Variants in SNAPC4 observed in about 807,000 individuals in gnomAD.
SNAPC4 encodes the protein snRNA-activating protein complex subunit 4.
A neutral mutation model predicts 151.3 loss-of-function variants in SNAPC4; 127 were observed. That is an observed-to-expected ratio of 0.84 (90% confidence interval 0.73 to 0.97). The LOEUF is 0.97. Ranked by LOEUF, SNAPC4 falls within the 50% of genes least tolerant of loss-of-function variation. SNAPC4 has a pLI of 0.00. For synonymous variants in SNAPC4, 1,002 were observed against 824.4 expected (o/e 1.22, Z -3.69); for missense variants, 2,186 against 1,935.0 (o/e 1.13, Z -2.43).
In SNAPC4 at chr9:136,382,029, C is replaced by A; in HGVS notation, c.2112G>T (p.Gly704=). 6.2e-7 allele frequency: 1 copy of A among 1,605,166 alleles called. No homozygotes were observed. The highest frequency in any genetic ancestry group is 8.5e-7 in the Non-Finnish European group (1 of 1,176,896). ...GGGCCACGCTGTCACCAGAGCTGAC[C>A]CCTGGGGATGAGGTGGGCAGGGGTG... is the stretch of plus-strand genomic sequence containing the variant. ...RQPPLPTSSP[G]VSSGDSVARS... The change falls in exon 18 of 24, where the codon GGG becomes GGT. Residue 704 remains glycine, a synonymous_variant. Transcript: ENST00000684778.
chr9:136,387,356 C>T (rs1167018405), intron 13 of SNAPC4, 129 bp downstream of exon 13: 20 of 733,914 alleles, frequency 2.7e-5, no homozygotes, highest in African/African-American at 2.2e-4. Context: ...ACCTGGTCAG[C>T]GACCCACACG....
chr9:136,382,740 C>T (rs1411559087), intron 16 of SNAPC4, among the ~76,000 whole-genome samples: 1 of 152,226 alleles, frequency 6.6e-6, no homozygotes, highest in Non-Finnish European at 1.5e-5. Flanking sequence ...ACTGCTCCCA[C>T]AGACATGGCC....
intron 18 of SNAPC4, 102 bp from the exon 19 acceptor site, chr9:136,381,494 T>A: frequency 9.1e-7 from 1 of 1,098,892 alleles, no homozygotes; most frequent in Admixed American, 1.9e-5. Flanking sequence ...TCGAGGCGGC[T>A]CTGGGAGCCA....
chr9:136,392,832 C>G lies in SNAPC4; in HGVS notation c.633-55G>C, dbSNP rs1296316144. 3.5e-6 allele frequency: 5 copies of G among 1,444,430 alleles called. No homozygotes were observed. In the Admixed American group the frequency reaches 5.2e-5, roughly 15 times the overall value. 89.5% of individuals were successfully genotyped at this position (1,444,430 alleles called of 1,614,324 possible). On this transcript the variant is annotated intron_variant, in intron 7 of 23. Transcript: ENST00000684778. ...GGGGCACGAGGGCTGCGGGGCGGGG[C>G]AGGTTCTCTGCACATTACAGGGCAA... is the stretch of plus-strand genomic sequence containing the variant.
At chr9:136,392,425 A>G (rs1432902900) in intron 9 of SNAPC4, 97 bp downstream of exon 9, 16 of 1,208,818 alleles carry the variant, frequency 1.3e-5, no homozygotes, top group Non-Finnish European at 1.6e-5. Context: ...ACCTGTTGCC[A>G]GGGAGGGTGT....
rs148085093 is a variant in SNAPC4, at chr9:136,388,677, G to T, written c.976-86C>A. The T allele has an allele frequency of 6.0e-3, 9,195 of 1,541,782 alleles. 33 individuals carry two copies. The highest frequency in any genetic ancestry group is 7.6e-3 in the Non-Finnish European group (8,539 of 1,123,180). On this transcript the variant is annotated intron_variant, in intron 10 of 23. Transcript: ENST00000684778. ...CTCTGAGTGCCCCAGGGCACAGGTGGGCCCATGAGCCACTGGGGTGACCCT... is the reference window on the plus strand; with the variant it reads ...CTCTGAGTGCCCCAGGGCACAGGTGTGCCCATGAGCCACTGGGGTGACCCT...
Position 136,378,928 on chromosome 9 carries a change from C to T in SNAPC4, c.2899G>A (p.Gly967Ser). Reference sequence around the variant, plus strand: ...GAAGTCCCAGCCTCCTGCCAGGAGCCAGAAGTGCCAGGTTTGGCTGCCGCG... The same window carrying T: ...GAAGTCCCAGCCTCCTGCCAGGAGCTAGAAGTGCCAGGTTTGGCTGCCGCG... ...APAAAKPGTS[G>S]SWQEAGTSAK... The change falls in exon 22 of 24, where the codon GGC (glycine) becomes AGC (serine). Residue 967 changes from glycine to serine, a missense_variant. Physicochemically the swap from Gly to Ser is moderately conservative, Grantham distance 56. Transcript: ENST00000684778. The T allele has an allele frequency of 6.2e-7, 1 of 1,610,794 alleles. No homozygotes were observed. Among genetic ancestry groups the T allele is most frequent in the Non-Finnish European group, 8.5e-7 (1 of 1,179,440 alleles).
chr9:136,396,317 A>G lies in SNAPC4; in HGVS notation c.178-547T>C, dbSNP rs146189080. ...TACCCACTAACTTTGCAGAAAAAGG[A>G]AGCAGCAAATCGCCAACGTTTTCCA... On this transcript the variant is annotated intron_variant, in intron 3 of 23. Transcript: ENST00000684778. Among the ~76,000 whole-genome samples the G allele has an allele frequency of 1.2e-4, 18 of 152,386 alleles. No homozygotes were observed. The East Asian group carries it at 3.3e-3, about 28-fold the overall frequency.
rs1335552862 is a variant in SNAPC4 at position 136,383,900 on chromosome 9, C to G, written c.1500+53G>C. The G allele has an allele frequency of 1.1e-5, 16 of 1,519,786 alleles. No homozygotes were observed. Among genetic ancestry groups the G allele is most frequent in the Middle Eastern group, 1.8e-4 (1 of 5,656 alleles). The allele number at this position is 1,519,786 out of a possible 1,614,324, so 94.1% of individuals were successfully genotyped here. On this transcript the variant is annotated intron_variant, in intron 15 of 23. Transcript: ENST00000684778. This position sits in a 1 kb window ranked among gnomAD's most constrained non-coding sequence, Gnocchi z 4.2. ...CCCTCCTCCTGCCTGCTGGACCCCC[C>G]AGTTGACCAGGCCATTGTCTGGTTT...
In SNAPC4 at chr9:136,388,565, CA is replaced by C; in HGVS notation, c.1001del (p.Leu334ArgfsTer11). On this transcript the variant is annotated frameshift_variant, in exon 11 of 24. Coordinates refer to ENST00000684778, the MANE Select transcript of SNAPC4 (RefSeq NM_003086.4). LOFTEE classifies it high-confidence loss of function. ...CTTTGTTGTGCTGCTGGAATTTCTGCAGGCACTGGAAGGCGCTGCGGCTGGT... is the reference window on the plus strand; with the variant it reads ...CTTTGTTGTGCTGCTGGAATTTCTGCGGCACTGGAAGGCGCTGCGGCTGGT... ...LGTSRSAFQC[L>X]QKFQQHNKAL... is the part of the protein sequence containing the mutation. 1 of 1,614,082 alleles carries C rather than the reference CA, an allele frequency of 6.2e-7. No individual in the cohort carries two copies. The highest frequency in any genetic ancestry group is 8.5e-7 in the Non-Finnish European group (1 of 1,180,022).
Position 136,378,568 on chromosome 9 carries a change from G to C in SNAPC4, c.3259C>G (p.Pro1087Ala), listed in dbSNP as rs759808840. ...TWVLTAQGLL[P>A]VPVPAVVSLP... ...CTCACCACAGCTGGTACAGGAACAG[G>C]GAGAAGCCCCTGGGCTGTGAGCACC... Residue 1087 changes from proline (P) to alanine (A), a missense_variant, in exon 22 of 24, where the codon CCT becomes GCT. Physicochemically the swap from Pro to Ala is conservative, Grantham distance 27. Coordinates refer to ENST00000684778, the MANE Select transcript of SNAPC4 (RefSeq NM_003086.4). The C allele has an allele frequency of 2.6e-5, 41 of 1,591,540 alleles. No individual in the cohort carries two copies. Among genetic ancestry groups the C allele is most frequent in the Non-Finnish European group, 3.3e-5 (39 of 1,172,436 alleles).
chr9:136,394,122 T>A lies in SNAPC4; in HGVS notation c.632+127A>T. On this transcript the variant is annotated intron_variant, in intron 7 of 23. Coordinates refer to ENST00000684778, the MANE Select transcript of SNAPC4 (RefSeq NM_003086.4). ...TTGAAGAGATGGGGTCTCACCATGTTGCCCAGGCTGGGCTTGAACTGGGTT... is the reference window on the plus strand; with the variant it reads ...TTGAAGAGATGGGGTCTCACCATGTAGCCCAGGCTGGGCTTGAACTGGGTT... 3.8e-6 allele frequency: 3 copies of A among 781,240 alleles called. No homozygotes were observed. In the East Asian group the frequency reaches 7.4e-5, roughly 19 times the overall value. The allele number at this position is 781,240 out of a possible 1,614,324, so 48.4% of individuals were successfully genotyped here. A position where few individuals can be genotyped will look rare whatever the true frequency, so the allele number is the denominator to read the frequency against.
At chr9:136,387,900 A>G (rs1351111690) in intron 11 of SNAPC4, 52 bp from the exon 12 acceptor site, 1 of 1,021,238 alleles carries the variant, frequency 9.8e-7, no homozygotes, top group African/African-American at 1.6e-5. Context: ...CACACCCTCC[A>G]TAGAGTAGAC....
rs1833958389 is a variant in SNAPC4, at chr9:136,388,304, A to C, written c.1123+140T>G. 2.7e-5 allele frequency: 21 copies of C among 788,970 alleles called. 1 individual carries two copies. In the South Asian group the frequency reaches 4.4e-4, roughly 17 times the overall value. The allele number at this position is 788,970 out of a possible 1,614,324, so 48.9% of individuals were successfully genotyped here. On this transcript the variant is annotated intron_variant, in intron 11 of 23. Transcript: ENST00000684778. ...AAAAAAAGTCACTTGAGTCACCAAG[A>C]AGCGAACTGTGGAACAGCCAGGACT...
chr9:136,389,428 G>A (rs1833995682), intron 10 of SNAPC4, among the ~76,000 whole-genome samples: 1 of 152,128 alleles, frequency 6.6e-6, no homozygotes, highest in African/African-American at 2.4e-5. Context: ...AGCTGGATGT[G>A]GTGCCGCTGA....
chr9:136,400,086 G>A (rs1834404100), intron 1 of SNAPC4, 48 bp downstream of exon 1: 1 of 152,110 alleles, frequency 6.6e-6, no homozygotes, highest in South Asian at 2.1e-4. Flanking sequence ...GGAGAGCCCT[G>A]AAGCTGCCGA....
rs1564382539 is a variant in SNAPC4, at chr9:136,382,297, G to A, written c.2023C>T (p.Leu675=). The change falls in exon 17 of 24, where the codon CTG becomes TTG. Residue 675 remains leucine, a synonymous_variant. Transcript: ENST00000684778. ...GCCGTGTTGGCCCTGAGCACCCTCAGCACGGTCTCCACAGGCACTGTCAGC... is the reference window on the plus strand; with the variant it reads ...GCCGTGTTGGCCCTGAGCACCCTCAACACGGTCTCCACAGGCACTGTCAGC... The part of the protein sequence containing the change: ...RLLTVPVETV[L]RVLRANTAAR... 6.2e-7 allele frequency: 1 copy of A among 1,613,130 alleles called. No homozygotes were observed. Among genetic ancestry groups the A allele is most frequent in the East Asian group, 2.2e-5 (1 of 44,882 alleles).
intron 10 of SNAPC4, 45 bp downstream of exon 10, chr9:136,391,897 C>T (rs142783472): frequency 6.9e-5 from 108 of 1,574,442 alleles, no homozygotes; most frequent in African/African-American, 4.3e-4. Context: ...AGGGCCCACA[C>T]GCCCTCAGGT....
intron 20 of SNAPC4, 100 bp downstream of exon 20, chr9:136,380,640 G>T: frequency 1.5e-6 from 1 of 675,156 alleles, no homozygotes; most frequent in Non-Finnish European, 2.7e-6. Flanking sequence ...GAGGGGCTGC[G>T]GTGGAGCGGG....
Sources: allele counts gnomAD v4.1 joint callset (sites outside exome capture counted in the v4.1 genomes callset), GRCh38; gene constraint gnomAD v4.1.1; non-coding constraint Gnocchi (gnomAD v3.1); transcripts MANE v1.5; gene names NCBI Gene and HGNC (gene_info 2026-07-23, HGNC 2026-07-21).